The following MED13 variants were observed in gnomAD, a reference collection of about 807,000 sequenced individuals.
The protein encoded by MED13 is mediator complex subunit 13.
Under a neutral mutation model 225.2 loss-of-function variants are expected in MED13, and 23 were observed. The observed-to-expected ratio is 0.10, with a 90% CI of 0.07 to 0.14. MED13 has a LOEUF of 0.14. MED13 is among the 10% of genes least tolerant of loss of function. The pLI is 1.00. For synonymous variants in MED13, 942 were observed against 889.2 expected, an observed-to-expected ratio of 1.06 and a Z score of -1.06; for missense variants, 2,197 against 2,594.5, an observed-to-expected ratio of 0.85 and a Z score of 3.33.
chr17:62,036,591 T>C (rs569910618), intron 3 of MED13, among the ~76,000 whole-genome samples: 79 of 152,354 alleles, frequency 5.2e-4, no homozygotes, highest in Non-Finnish European at 9.3e-4. Context: ...TATATATGTA[T>C]AAGCCCTCTT....
At chr17:62,035,374 A>T in intron 4 of MED13, 89 bp downstream of exon 4, 1 of 1,106,112 alleles carries the variant, frequency 9.0e-7, no homozygotes, top group Non-Finnish European at 1.3e-6. Flanking sequence ...ATCAGGGGGA[A>T]TTCCATCAAT....
intron 8 of MED13, among the ~76,000 whole-genome samples, chr17:62,019,318 T>A (rs2143631170): frequency 6.6e-6 from 1 of 152,364 alleles, no homozygotes; most frequent in Middle Eastern, 3.4e-3. Flanking sequence ...GATGTCTATT[T>A]TATTCATGTT....
chr17:61,981,257 G>A (rs1413920513), intron 16 of MED13, among the ~76,000 whole-genome samples: 1 of 151,520 alleles, frequency 6.6e-6, no homozygotes, highest in African/African-American at 2.4e-5. Context: ...CCTGACCTCA[G>A]GTGACCTGCC....
intron 17 of MED13, among the ~76,000 whole-genome samples, chr17:61,970,730 T>TTG (rs1555632773): frequency 1.7e-5 from 2 of 120,304 alleles, no homozygotes; most frequent in African/African-American, 5.2e-5. Flanking sequence ...ATTTAGGTTT[T>TTG]TTTTTTTTTT....
intron 16 of MED13, among the ~76,000 whole-genome samples, chr17:61,977,938 TAAG>T (rs1231288266): frequency 6.6e-6 from 1 of 152,224 alleles, no homozygotes; most frequent in East Asian, 1.9e-4. Context: ...GACAAGTTGT[TAAG>T]AAATTCATTT....
At position 62,010,722 on chromosome 17, in the gene MED13, A is replaced by T; in HGVS notation, c.1795T>A (p.Tyr599Asn). 1 of 1,611,424 alleles carries T rather than the reference A, an allele frequency of 6.2e-7. No individual in the cohort carries two copies. The highest frequency in any genetic ancestry group is 1.1e-5 in the South Asian group (1 of 90,762). The change falls in exon 9 of 30, where the codon TAT (tyrosine) becomes AAT (asparagine). Residue 599 changes from tyrosine to asparagine, a missense_variant. By Grantham distance (143) the Tyr-to-Asn change is moderately radical. This residue lies in a region of MED13 where 884 missense variants were observed against 918.5 expected (regional missense o/e 0.96). Transcript: ENST00000397786. ...QYQEAVEPTV[Y>N]VGTAVNLEED... ...TCCAAGTTTACTGCTGTACCAACAT[A>T]TACTGTAGGTTCTACAGCTTCCTGA...
intron 3 of MED13, among the ~76,000 whole-genome samples, chr17:62,042,637 G>A (rs1373815648): frequency 1.3e-5 from 2 of 149,872 alleles, no homozygotes; most frequent in African/African-American, 2.5e-5. Context: ...CACTTCAAGT[G>A]TTCTGCAAAA....
rs2079843573 is a variant in MED13 at position 61,945,254 on chromosome 17, C to G, written c.*1214G>C. On this transcript the variant is annotated 3_prime_UTR_variant, in exon 30 of 30. Transcript: ENST00000397786. ...ACACACACCCATACATATGCATACT[C>G]TCACATACATTCCCAATCTTTAATT... The G allele has an allele frequency of 6.6e-6, 1 of 151,976 alleles. No individual in the cohort carries two copies. Among genetic ancestry groups the G allele is most frequent in the Admixed American group, 6.6e-5 (1 of 15,238 alleles). The allele number at this position is 151,976 out of a possible 1,614,324, so 9.4% of individuals were successfully genotyped here. A position where few individuals can be genotyped will look rare whatever the true frequency, so the allele number is the denominator to read the frequency against.
chr17:62,056,164 G>A (rs552823520), intron 2 of MED13, among the ~76,000 whole-genome samples: 215 of 152,278 alleles, frequency 1.4e-3, no homozygotes, highest in African/African-American at 5.1e-3. Context: ...TTTTGGTTTT[G>A]TTGGGAATCA....
intron 3 of MED13, among the ~76,000 whole-genome samples, chr17:62,043,173 A>G (rs1415797079): frequency 1.3e-5 from 2 of 149,160 alleles, no homozygotes; most frequent in South Asian, 2.1e-4. Flanking sequence ...AAAAAAAAAA[A>G]AAAAAAAAAA....
intron 8 of MED13, among the ~76,000 whole-genome samples, chr17:62,021,527 G>A (rs1468032728): frequency 1.3e-5 from 2 of 152,338 alleles, no homozygotes; most frequent in East Asian, 1.9e-4. Flanking sequence ...CGGACGGGGC[G>A]AGCAGCCTGC....
intron 18 of MED13, among the ~76,000 whole-genome samples, chr17:61,967,047 C>A (rs1280764076): frequency 6.6e-6 from 1 of 152,042 alleles, no homozygotes; most frequent in East Asian, 1.9e-4. Context: ...ATACAAATAT[C>A]CCTAAATCAA....
At chr17:61,979,735 G>C (rs1399610895) in intron 16 of MED13, among the ~76,000 whole-genome samples, 1 of 152,152 alleles carries the variant, frequency 6.6e-6, no homozygotes, top group Non-Finnish European at 1.5e-5. Context: ...AATTGTCTAA[G>C]TTTGCTTCTC....
chr17:62,003,243 G>A (rs1188111246), intron 9 of MED13, among the ~76,000 whole-genome samples: 1 of 152,012 alleles, frequency 6.6e-6, no homozygotes. Context: ...GCCTTTGATG[G>A]TTCACCTTCT....
chr17:61,952,877 C>G, intron 27 of MED13, 88 bp downstream of exon 27: 1 of 1,433,136 alleles, frequency 7.0e-7, no homozygotes, highest in South Asian at 1.3e-5. Flanking sequence ...CCTCGTGATC[C>G]ACCTGCTTCG....
At chr17:62,044,483 C>G (rs1272560449) in intron 3 of MED13, among the ~76,000 whole-genome samples, 1 of 152,166 alleles carries the variant, frequency 6.6e-6, no homozygotes. Flanking sequence ...TTTTTTACTA[C>G]TAATTCCAGG....
Position 62,064,541 on chromosome 17 carries a change from A to C in MED13, c.66+599T>G, listed in dbSNP as rs527575869. On this transcript the variant is annotated intron_variant, in intron 1 of 29. Transcript: ENST00000397786. ...AAAGCAAGATGGCTAGAAATTGTCA[A>C]AAATGGCAAACTGTTTTCAAAGTTT... Among the ~76,000 whole-genome samples the C allele has an allele frequency of 2.6e-5, 4 of 152,338 alleles. No homozygotes were observed. The South Asian group carries it at 8.3e-4, about 32-fold the overall frequency.
intron 8 of MED13, among the ~76,000 whole-genome samples, chr17:62,025,140 T>G (rs2080688419): frequency 6.6e-6 from 1 of 152,208 alleles, no homozygotes; most frequent in African/African-American, 2.4e-5. Context: ...ATTAGCAAAC[T>G]TTTTCTGTAG....
At chr17:61,960,763 T>C in intron 23 of MED13, 104 bp downstream of exon 23, 1 of 741,542 alleles carries the variant, frequency 1.3e-6, no homozygotes, top group Non-Finnish European at 2.1e-6. Context: ...CACATCTTAA[T>C]ATTTTAATAT....
Sources: gnomAD v4.1 joint callset for allele counts (sites outside exome capture counted in the v4.1 genomes callset) on GRCh38, gnomAD v4.1.1 for gene constraint, gnomAD v4.1.1 regional missense constraint, MANE v1.5 for transcripts, NCBI Gene and HGNC (gene_info 2026-07-23, HGNC 2026-07-21) for gene names.